Variants in ACSL3 observed in about 807,000 individuals in gnomAD.
ACSL3 encodes the protein fatty acid CoA ligase Acsl3.
A neutral mutation model predicts 84.7 loss-of-function variants in ACSL3; 34 were observed. The ratio of observed to expected loss-of-function variants is 0.40; its 90% CI spans 0.31 to 0.53. The LOEUF (loss-of-function observed/expected upper bound fraction) is 0.53. Ranked by LOEUF, ACSL3 falls within the 20% of genes least tolerant of loss-of-function variation. The pLI, the probability that ACSL3 is intolerant of heterozygous loss-of-function variation, is 0.48. For missense variants in ACSL3, 680 were observed against 873.1 expected, an observed-to-expected ratio of 0.78 and a Z score of 2.79; for synonymous variants, 315 against 299.4, an observed-to-expected ratio of 1.05 and a Z score of -0.54.
chr2:222,934,730 G>T (rs1287615926), intron 16 of ACSL3, 43 bp downstream of exon 16: 1 of 1,589,172 alleles, frequency 6.3e-7, no homozygotes, highest in Admixed American at 1.8e-5. Flanking sequence ...GAGATGGGAA[G>T]AGAGTACTTA....
At chr2:222,941,468 C>A in intron 16 of ACSL3, 29 bp from the exon 17 acceptor site, 2 of 1,543,718 alleles carry the variant, frequency 1.3e-6, no homozygotes, top group Non-Finnish European at 1.7e-6. Context: ...AATACCTTTT[C>A]TTCTTTTCTT....
chr2:222,938,613 G>C (rs559697673), intron 16 of ACSL3, among the ~76,000 whole-genome samples: 2 of 152,082 alleles, frequency 1.3e-5, no homozygotes, highest in South Asian at 4.2e-4. Context: ...AGTGTGTTTT[G>C]GTGTAGTTCT....
intron 3 of ACSL3, among the ~76,000 whole-genome samples, chr2:222,908,076 T>C (rs1325653056): frequency 6.6e-6 from 1 of 152,240 alleles, no homozygotes; most frequent in African/African-American, 2.4e-5. Flanking sequence ...TTAGGCCGTT[T>C]TGTTTACTGT....
In ACSL3 at chr2:222,914,757, G is replaced by A. The variant is rs144096605; in HGVS notation, c.379-1562G>A. ...TAATCTTGTCTTGGGCTAGCCATAG[G>A]GACAAAGTTAGGATTAGAAACTTTT... On this transcript the variant is annotated intron_variant, in intron 4 of 16. Coordinates refer to ENST00000357430, the MANE Select transcript of ACSL3 (RefSeq NM_004457.5). Among the ~76,000 whole-genome samples the A allele has an allele frequency of 1.3e-4, 20 of 152,234 alleles. No individual in the cohort carries two copies. In the East Asian group the frequency reaches 3.7e-3, roughly 28 times the overall value.
Position 222,908,867 on chromosome 2 carries a change from T to C in ACSL3, c.95T>C (p.Leu32Pro), listed in dbSNP as rs750500466. ...TATTTTATACATTTTCTAATATCAC[T>C]TTATACTATTTTAACATACATTCCG... ...LLYFIHFLISLYTILTYIPFY... is the reference protein window; with the variant it reads ...LLYFIHFLISPYTILTYIPFY... The change falls in exon 4 of 17, where the codon CTT becomes CCT. Residue 32 changes from leucine to proline, a missense_variant. By Grantham distance (98) the Leu-to-Pro change is moderately conservative (BLOSUM62 -3). Coordinates refer to ENST00000357430, the MANE Select transcript of ACSL3 (RefSeq NM_004457.5). 3 of 1,607,290 alleles carry C rather than the reference T, an allele frequency of 1.9e-6. No individual in the cohort carries two copies. Among genetic ancestry groups the C allele is most frequent in the Non-Finnish European group, 2.6e-6 (3 of 1,175,266 alleles).
At chr2:222,875,809 T>C (rs867973908) in intron 1 of ACSL3, among the ~76,000 whole-genome samples, 2 of 152,178 alleles carry the variant, frequency 1.3e-5, no homozygotes, top group South Asian at 2.1e-4. Context: ...AGCACAGACA[T>C]AATTCCTTAG....
At chr2:222,939,357 T>G (rs1157503528) in intron 16 of ACSL3, among the ~76,000 whole-genome samples, 1 of 152,168 alleles carries the variant, frequency 6.6e-6, no homozygotes, top group Non-Finnish European at 1.5e-5. Flanking sequence ...TACAATCTAA[T>G]TGAAGAGGTT....
chr2:222,882,510 C>G (rs1041693447), intron 1 of ACSL3, among the ~76,000 whole-genome samples: 1 of 152,124 alleles, frequency 6.6e-6, no homozygotes, highest in Non-Finnish European at 1.5e-5. Flanking sequence ...TGAAACTGCT[C>G]CACCTCAGAT....
chr2:222,880,654 C>T (rs1267580268), intron 1 of ACSL3, among the ~76,000 whole-genome samples: 3 of 151,766 alleles, frequency 2.0e-5, no homozygotes, highest in East Asian at 1.9e-4. Flanking sequence ...CGGTGAAACC[C>T]TGTCTCTACT....
chr2:222,900,384 T>A (rs1315549479), intron 2 of ACSL3, among the ~76,000 whole-genome samples: 1 of 152,210 alleles, frequency 6.6e-6, no homozygotes, highest in Non-Finnish European at 1.5e-5. Context: ...TCTTGTAGAT[T>A]TCCTATGTGT....
intron 4 of ACSL3, 26 bp from the exon 5 acceptor site, chr2:222,916,293 A>T (rs1259663707): frequency 6.5e-6 from 9 of 1,395,262 alleles, no homozygotes; most frequent in South Asian, 1.8e-5. Flanking sequence ...TGATTACATT[A>T]AAAAAATTTT....
intron 16 of ACSL3, among the ~76,000 whole-genome samples, chr2:222,937,828 C>G (rs1266045344): frequency 1.3e-5 from 2 of 151,980 alleles, no homozygotes; most frequent in Non-Finnish European, 2.9e-5. Context: ...ATACCTATTT[C>G]CATTTTGTTA....
At chr2:222,894,490 T>G (rs996455933) in intron 2 of ACSL3, among the ~76,000 whole-genome samples, 1 of 152,242 alleles carries the variant, frequency 6.6e-6, no homozygotes, top group African/African-American at 2.4e-5. Flanking sequence ...TTTCAAGATT[T>G]TGTTTGCTCA....
intron 5 of ACSL3, 111 bp downstream of exon 5, chr2:222,916,607 T>G: frequency 8.1e-7 from 1 of 1,228,714 alleles, no homozygotes; most frequent in Admixed American, 2.8e-5. Flanking sequence ...AGTGTCCAGT[T>G]AGTGGAGAAC....
Position 222,907,035 on chromosome 2 carries a change from C to T in ACSL3, c.-40-1698C>T, listed in dbSNP as rs941954113. ...TTACAGCCTGCTTCTCCAGCCTGTG[C>T]AGAACCTTTGTGCCATTGTTCTGGA... On this transcript the variant is annotated intron_variant, in intron 3 of 16. Transcript: ENST00000357430. 2.8e-4 allele frequency among the ~76,000 whole-genome samples: 43 copies of T among 152,232 alleles called. 1 individual carries two copies. Among genetic ancestry groups the T allele is most frequent in the African/African-American group, 9.6e-5 (4 of 41,454 alleles).
At chr2:222,885,819 C>T (rs181919752) in intron 1 of ACSL3, among the ~76,000 whole-genome samples, 6 of 151,978 alleles carry the variant, frequency 3.9e-5, no homozygotes, top group East Asian at 1.9e-4. Context: ...CTCGGCTTAA[C>T]GCAACCTCTG....
intron 10 of ACSL3, among the ~76,000 whole-genome samples, chr2:222,923,765 C>T (rs1696801321): frequency 7.0e-6 from 1 of 143,704 alleles, no homozygotes; most frequent in South Asian, 2.4e-4. Context: ...TACATAGTTA[C>T]TTCAAAGTCA....
intron 1 of ACSL3, among the ~76,000 whole-genome samples, chr2:222,869,647 A>C (rs760821879): frequency 1.3e-5 from 2 of 152,242 alleles, no homozygotes; most frequent in Non-Finnish European, 2.9e-5. Context: ...GTTTTGCCAC[A>C]GTAGCCAGGG....
intron 1 of ACSL3, among the ~76,000 whole-genome samples, chr2:222,864,937 A>G (rs1695100470): frequency 6.6e-6 from 1 of 152,178 alleles, no homozygotes; most frequent in South Asian, 2.1e-4. Context: ...AATTAGCCCA[A>G]TTTTAGTTGA....
Sources: allele counts gnomAD v4.1 joint callset (sites outside exome capture counted in the v4.1 genomes callset), GRCh38; gene constraint gnomAD v4.1.1; transcripts MANE v1.5; gene names NCBI Gene and HGNC (gene_info 2026-07-23, HGNC 2026-07-21).